Variants in CUX2 observed in about 807,000 individuals in gnomAD.
CUX2 encodes the protein cut like homeobox 2.
Under a neutral mutation model 144.8 loss-of-function variants are expected in CUX2, and 40 were observed. The ratio of observed to expected loss-of-function variants is 0.28; its 90% confidence interval spans 0.21 to 0.36. The LOEUF (loss-of-function observed/expected upper bound fraction) is 0.36, where lower values mean the gene tolerates loss of function less well. Among genes scored for constraint, CUX2 ranks in the 10% least tolerant of loss-of-function variants. The pLI is 1.00. For missense variants in CUX2, 1,615 were observed against 1,994.0 expected (o/e 0.81, Z 3.62); for synonymous variants, 827 against 875.6 (o/e 0.94, Z 0.98).
At chr12:111,230,892 A>T (rs527937715) in intron 3 of CUX2, among the ~76,000 whole-genome samples, 1 of 152,180 alleles carries the variant, frequency 6.6e-6, no homozygotes, top group African/African-American at 2.4e-5. Context: ...CTGGGAAGAG[A>T]TGTGCAGAAC....
At chr12:111,265,904 G>C (rs764854975) in intron 4 of CUX2, among the ~76,000 whole-genome samples, 1 of 151,970 alleles carries the variant, frequency 6.6e-6, no homozygotes, top group African/African-American at 2.4e-5. Flanking sequence ...TCAGCTGTCC[G>C]ACTGCAAAAC....
chr12:111,038,636 C>G (rs907704021), intron 1 of CUX2, among the ~76,000 whole-genome samples: 1 of 152,248 alleles, frequency 6.6e-6, no homozygotes, highest in Non-Finnish European at 1.5e-5. Context: ...ATTTAAAGAA[C>G]CCAGCAGCCT....
chr12:111,143,361 C>T (rs915055877), intron 1 of CUX2, among the ~76,000 whole-genome samples: 4 of 152,154 alleles, frequency 2.6e-5, no homozygotes, highest in East Asian at 1.9e-4. Flanking sequence ...TAAATTCCAG[C>T]GCATCAAGGA....
At chr12:111,207,325 T>C (rs556735034) in intron 1 of CUX2, among the ~76,000 whole-genome samples, 2 of 152,358 alleles carry the variant, frequency 1.3e-5, no homozygotes, top group African/African-American at 4.8e-5. Context: ...TTCACTAAAA[T>C]TACTTATACC....
chr12:111,234,729 T>C (rs1882649103), intron 3 of CUX2, among the ~76,000 whole-genome samples: 1 of 150,836 alleles, frequency 6.6e-6, no homozygotes, highest in Admixed American at 6.6e-5. Context: ...TTTTTTTTTT[T>C]TTTTTCTGAG....
chr12:111,297,381 G>C (rs1487342371), intron 8 of CUX2, among the ~76,000 whole-genome samples: 1 of 152,134 alleles, frequency 6.6e-6, no homozygotes, highest in Admixed American at 6.5e-5. Flanking sequence ...CTGAGTCTCG[G>C]CTGGAGGCCC....
At chr12:111,339,334 A>G (rs1038124909) in intron 20 of CUX2, among the ~76,000 whole-genome samples, 4 of 151,870 alleles carry the variant, frequency 2.6e-5, no homozygotes, top group African/African-American at 7.3e-5. Flanking sequence ...CCAACTGTCT[A>G]TTTCCCAAAA....
Position 111,320,038 on chromosome 12 carries a change from C to T in CUX2, c.2029C>T (p.Leu677=). The change falls in exon 17 of 22, where the codon CTG becomes TTG. Residue 677 remains leucine, a synonymous_variant. Coordinates refer to ENST00000261726, the MANE Select transcript of CUX2 (RefSeq NM_015267.4). The surrounding 1 kb of genome is among the most constrained non-coding windows in gnomAD (Gnocchi z 8.1). ...CGAGCCCAAGACCTCGGTGGCCCCG[C>T]TGAGCATCGCCAACGGCACGACCCC... The part of the protein sequence containing the change: ...GGEPKTSVAP[L]SIANGTTPAS... The T allele has an allele frequency of 6.5e-7, 1 of 1,539,090 alleles. No individual in the cohort carries two copies. The highest frequency in any genetic ancestry group is 8.7e-7 in the Non-Finnish European group (1 of 1,147,706).
intron 1 of CUX2, among the ~76,000 whole-genome samples, chr12:111,040,795 C>T (rs1464019197): frequency 6.6e-6 from 1 of 152,194 alleles, no homozygotes; most frequent in Non-Finnish European, 1.5e-5. Context: ...TAAGCCTCCA[C>T]TCTGCCATTA....
intron 1 of CUX2, among the ~76,000 whole-genome samples, chr12:111,192,480 C>T (rs573144553): frequency 1.3e-5 from 2 of 151,732 alleles, no homozygotes; most frequent in African/African-American, 2.4e-5. Context: ...TTCTTTTCCC[C>T]GAGAACTACA....
At chr12:111,202,922 G>A (rs544360714) in intron 1 of CUX2, among the ~76,000 whole-genome samples, 4 of 152,108 alleles carry the variant, frequency 2.6e-5, no homozygotes, top group African/African-American at 9.6e-5. Flanking sequence ...AGACAGAAAC[G>A]TGCTTAGTGT....
chr12:111,187,913 G>A (rs547091399), intron 1 of CUX2, among the ~76,000 whole-genome samples: 31 of 152,352 alleles, frequency 2.0e-4, no homozygotes, highest in Middle Eastern at 3.4e-3. Flanking sequence ...GGGCACAGCT[G>A]CCAGGCACCC....
At chr12:111,161,985 C>T (rs545341436) in intron 1 of CUX2, among the ~76,000 whole-genome samples, 3 of 152,252 alleles carry the variant, frequency 2.0e-5, no homozygotes, top group South Asian at 2.1e-4. Flanking sequence ...ATCCTCCTGC[C>T]TTGGCCTCCC....
intron 1 of CUX2, among the ~76,000 whole-genome samples, chr12:111,153,566 T>C (rs1175552176): frequency 6.6e-6 from 1 of 152,050 alleles, no homozygotes; most frequent in Non-Finnish European, 1.5e-5. Flanking sequence ...ATAGAAAAGG[T>C]ACAATGAAAA....
rs746261663 is a variant in CUX2 at position 111,296,561 on chromosome 12, G to A, written c.704+22G>A. 4 of 1,602,652 alleles carry A rather than the reference G, an allele frequency of 2.5e-6. No individual in the cohort carries two copies. The Admixed American group carries it at 6.8e-5, about 27-fold the overall frequency. ...CCAAGTAAGTGAGCCCTGCTGAGGT[G>A]TACCTCCTCCCTTGGAGGCCTCCCA... On this transcript the variant is annotated intron_variant, in intron 8 of 21. Coordinates refer to ENST00000261726, the MANE Select transcript of CUX2 (RefSeq NM_015267.4).
chr12:111,129,470 A>T (rs557219124), intron 1 of CUX2, among the ~76,000 whole-genome samples: 1 of 152,390 alleles, frequency 6.6e-6, no homozygotes, highest in African/African-American at 2.4e-5. Context: ...CAATAGCTGC[A>T]TACCAGGTCC....
At chr12:111,147,694 C>T (rs1362026497) in intron 1 of CUX2, among the ~76,000 whole-genome samples, 1 of 152,142 alleles carries the variant, frequency 6.6e-6, no homozygotes, top group Admixed American at 6.5e-5. Context: ...GAGCTGGGCA[C>T]CTGCAAGGCT....
chr12:111,250,264 G>A (rs1297695693), intron 3 of CUX2, among the ~76,000 whole-genome samples: 1 of 152,080 alleles, frequency 6.6e-6, no homozygotes, highest in Non-Finnish European at 1.5e-5. Context: ...GTGTGGGGGT[G>A]GGGGTGTCAC....
At chr12:111,343,455 A>G (rs937328320) in intron 21 of CUX2, among the ~76,000 whole-genome samples, 2 of 152,108 alleles carry the variant, frequency 1.3e-5, no homozygotes, top group Non-Finnish European at 2.9e-5. Context: ...TGAGCAGGAA[A>G]AGTCTCTGGT....
Sources: gnomAD v4.1 joint callset for allele counts (sites outside exome capture counted in the v4.1 genomes callset) on GRCh38, gnomAD v4.1.1 for gene constraint, Gnocchi (gnomAD v3.1) non-coding constraint, MANE v1.5 for transcripts, NCBI Gene and HGNC (gene_info 2026-07-23, HGNC 2026-07-21) for gene names.